The following CNTNAP2 variants were observed in gnomAD, a reference collection of about 807,000 sequenced individuals.
The protein encoded by CNTNAP2 is contactin-associated protein-like 2.
A neutral mutation model predicts 155.2 loss-of-function variants in CNTNAP2; 98 were observed. That is an observed-to-expected ratio of 0.63 (90% CI 0.54 to 0.75). The LOEUF is 0.75. CNTNAP2 is among the 30% of genes least tolerant of loss of function. The pLI is 0.00. For synonymous variants in CNTNAP2, 651 were observed against 631.2 expected (o/e 1.03, Z -0.47); for missense variants, 1,727 against 1,688.1 (o/e 1.02, Z -0.40).
intron 4 of CNTNAP2, among the ~76,000 whole-genome samples, chr7:147,065,374 A>G (rs182038868): frequency 1.7e-4 from 26 of 152,368 alleles, no homozygotes; most frequent in African/African-American, 6.3e-4. Context: ...TAAGTTGACT[A>G]CAGATGAACT....
intron 11 of CNTNAP2, among the ~76,000 whole-genome samples, chr7:147,555,464 G>C (rs1435242716): frequency 6.6e-6 from 1 of 152,178 alleles, no homozygotes; most frequent in Non-Finnish European, 1.5e-5. Context: ...CAGTATAAAA[G>C]AGCAGAAAGG....
At chr7:146,224,967 T>A (rs2116903432) in intron 1 of CNTNAP2, among the ~76,000 whole-genome samples, 1 of 151,958 alleles carries the variant, frequency 6.6e-6, no homozygotes, top group East Asian at 1.9e-4. Flanking sequence ...GATCACTCAA[T>A]TACATTCTGG....
At chr7:146,271,654 GT>G (rs1212656831) in intron 1 of CNTNAP2, among the ~76,000 whole-genome samples, 1 of 151,598 alleles carries the variant, frequency 6.6e-6, no homozygotes, top group Admixed American at 6.6e-5. Flanking sequence ...AAGGAGAAAT[GT>G]TAAATGAAAT....
At chr7:147,663,432 A>C (rs1175495031) in intron 13 of CNTNAP2, among the ~76,000 whole-genome samples, 1 of 152,266 alleles carries the variant, frequency 6.6e-6, no homozygotes, top group Non-Finnish European at 1.5e-5. Context: ...TCTAAAAATC[A>C]GAACACCAAA....
Position 147,395,687 on chromosome 7 carries a change from T to C in CNTNAP2, c.1577T>C (p.Val526Ala). Residue 526 changes from valine (V) to alanine (A), a missense_variant, in exon 10 of 24, where the codon GTG becomes GCG. Transcript: ENST00000361727. ...CAAGGATGCATGCAGCTCATTCAAG[T>C]GGACGATCAACTTGTAAATTTATAC... ...SFQGCMQLIQVDDQLVNLYEV... is the reference protein window; with the variant it reads ...SFQGCMQLIQADDQLVNLYEV... 3 of 1,612,646 alleles carry C rather than the reference T, an allele frequency of 1.9e-6. No individual in the cohort carries two copies. The highest frequency in any genetic ancestry group is 2.5e-6 in the Non-Finnish European group (3 of 1,178,890).
At chr7:146,929,604 G>A (rs180922752) in intron 3 of CNTNAP2, among the ~76,000 whole-genome samples, 24 of 152,316 alleles carry the variant, frequency 1.6e-4, no homozygotes, top group African/African-American at 5.8e-4. Flanking sequence ...ACTTTGACGA[G>A]TTGAGAGAAT....
chr7:147,939,451 C>T (rs904838585), intron 14 of CNTNAP2, among the ~76,000 whole-genome samples: 1 of 152,094 alleles, frequency 6.6e-6, no homozygotes, highest in Non-Finnish European at 1.5e-5. Flanking sequence ...GCCTCAGCCT[C>T]CTGAGTAGCT....
intron 1 of CNTNAP2, among the ~76,000 whole-genome samples, chr7:146,126,058 A>G (rs1404171999): frequency 2.0e-5 from 3 of 152,200 alleles, no homozygotes; most frequent in Admixed American, 1.3e-4. Context: ...TCTTATAACA[A>G]TGCTTCAGTT....
intron 3 of CNTNAP2, among the ~76,000 whole-genome samples, chr7:146,855,131 G>A (rs1272225014): frequency 1.3e-5 from 2 of 151,974 alleles, no homozygotes; most frequent in African/African-American, 2.4e-5. Flanking sequence ...TCCTCTATGG[G>A]GATACTATAT....
At chr7:146,146,817 C>G (rs1017374764) in intron 1 of CNTNAP2, among the ~76,000 whole-genome samples, 3 of 152,120 alleles carry the variant, frequency 2.0e-5, no homozygotes, top group African/African-American at 4.8e-5. Flanking sequence ...AAAGTCTAAT[C>G]CAGATCTTGT....
At chr7:147,191,095 C>T (rs749911534) in intron 8 of CNTNAP2, among the ~76,000 whole-genome samples, 25 of 152,194 alleles carry the variant, frequency 1.6e-4, no homozygotes, top group Middle Eastern at 3.4e-3. Flanking sequence ...TCACCATGTA[C>T]AGTCTAGAAT....
At chr7:147,229,812 ATAAAT>A in intron 8 of CNTNAP2, among the ~76,000 whole-genome samples, 1 of 152,354 alleles carries the variant, frequency 6.6e-6, no homozygotes, top group Non-Finnish European at 1.5e-5. Context: ...TTGCAATATA[ATAAAT>A]TAAAAAATAA....
At chr7:148,035,262 G>T (rs1802552121) in intron 15 of CNTNAP2, among the ~76,000 whole-genome samples, 1 of 152,192 alleles carries the variant, frequency 6.6e-6, no homozygotes, top group Non-Finnish European at 1.5e-5. Context: ...AAAGAAGCCA[G>T]GTGCTATTTA....
At chr7:147,552,897 T>C (rs541906886) in intron 11 of CNTNAP2, among the ~76,000 whole-genome samples, 9 of 152,222 alleles carry the variant, frequency 5.9e-5, no homozygotes, top group East Asian at 1.9e-4. Flanking sequence ...CCTTGAAGAA[T>C]AGCTCTCTCT....
At chr7:146,811,145 GA>G (rs1216679894) in intron 2 of CNTNAP2, among the ~76,000 whole-genome samples, 1 of 152,134 alleles carries the variant, frequency 6.6e-6, no homozygotes, top group Non-Finnish European at 1.5e-5. Flanking sequence ...TACTGGCCTT[GA>G]AAAATTACAT....
At chr7:148,160,759 GGTT>G (rs1213254463) in intron 17 of CNTNAP2, among the ~76,000 whole-genome samples, 2 of 152,060 alleles carry the variant, frequency 1.3e-5, no homozygotes, top group Admixed American at 6.6e-5. Context: ...TTTTGGTGGT[GGTT>G]GTTGTTGTTT....
chr7:146,388,133 T>C (rs1795487086), intron 1 of CNTNAP2, among the ~76,000 whole-genome samples: 1 of 151,866 alleles, frequency 6.6e-6, no homozygotes, highest in Admixed American at 6.6e-5. Flanking sequence ...TATTTTTTCT[T>C]CTCGGGAATG....
In CNTNAP2 at chr7:148,212,144, T is replaced by G. The variant is rs915916682; in HGVS notation, c.3011-5144T>G. Among the ~76,000 whole-genome samples the G allele has an allele frequency of 9.8e-4, 63 of 64,390 alleles. 1 individual carries two copies. Among genetic ancestry groups the G allele is most frequent in the Admixed American group, 2.3e-3 (14 of 6,050 alleles). The allele number at this position is 64,390 out of a possible 152,430, so 42.2% of individuals were successfully genotyped here. A position where few individuals can be genotyped will look rare whatever the true frequency, so the allele number is the denominator to read the frequency against. ...CTTTTGGTTTCTGTTTTTTGTGGGT[T>G]TTTTTTTTTCTCCCACTGTAAGCCT... On this transcript the variant is annotated intron_variant, in intron 18 of 23. Transcript: ENST00000361727.
chr7:148,157,380 T>G (rs1333838121), intron 17 of CNTNAP2, among the ~76,000 whole-genome samples: 1 of 152,132 alleles, frequency 6.6e-6, no homozygotes, highest in Non-Finnish European at 1.5e-5. Flanking sequence ...AATAAATAAG[T>G]GATTGTGATT....
Sources: gnomAD v4.1 joint callset for allele counts (sites outside exome capture counted in the v4.1 genomes callset) on GRCh38, gnomAD v4.1.1 for gene constraint, MANE v1.5 for transcripts, NCBI Gene and HGNC (gene_info 2026-07-23, HGNC 2026-07-21) for gene names.